Variants in KRT38 observed in about 807,000 individuals in gnomAD.
The protein encoded by KRT38 is keratin 38.
KRT38 carries 45 observed loss-of-function variants against 43.1 expected under a neutral mutation model. The observed-to-expected ratio is 1.04, with a 90% CI of 0.82 to 1.34. The LOEUF is 1.34. Ranked by LOEUF, KRT38 falls within the 40% of genes most tolerant of loss-of-function variation. KRT38 has a pLI of 0.00. For missense variants in KRT38, 627 were observed against 586.2 expected (o/e 1.07, Z -0.72); for synonymous variants, 258 against 244.0 (o/e 1.06, Z -0.53).
chr17:41,439,796 T>C (rs898178835), intron 2 of KRT38, among the ~76,000 whole-genome samples: 1 of 152,196 alleles, frequency 6.6e-6, no homozygotes, highest in African/African-American at 2.4e-5. Flanking sequence ...CCTGGTACCT[T>C]AGGGCTCCCT....
chr17:41,438,268 C>A lies in KRT38; in HGVS notation c.1066G>T (p.Gly356Cys), dbSNP rs778554026. Reference protein sequence around the residue: ...NSLCEAEDRFGTELAQMQSLI... With the variant: ...NSLCEAEDRFCTELAQMQSLI... ...CTCTGCATCTGGGCCAGCTCCGTGCCGAAGCGGTCCTCGGCTTCACACAGG... is the reference window on the plus strand; with the variant it reads ...CTCTGCATCTGGGCCAGCTCCGTGCAGAAGCGGTCCTCGGCTTCACACAGG... The change falls in exon 6 of 7, where the codon GGC (glycine) becomes TGC (cysteine). Residue 356 changes from glycine to cysteine, a missense_variant. Gly to Cys is a radical substitution (Grantham distance 159). Transcript: ENST00000246646. 5.0e-6 allele frequency: 8 copies of A among 1,614,160 alleles called. No individual in the cohort carries two copies. The highest frequency in any genetic ancestry group is 6.8e-6 in the Non-Finnish European group (8 of 1,180,018).
At position 41,438,330 on chromosome 17, in the gene KRT38, G is replaced by A. The variant is rs978863708; in HGVS notation, c.1021-17C>T. 1.2e-6 allele frequency: 2 copies of A among 1,611,264 alleles called. No individual in the cohort carries two copies. The highest frequency in any genetic ancestry group is 1.3e-5 in the African/African-American group (1 of 74,832). Reference sequence around the variant, plus strand: ...ACAGTCCTTCTGTAGTGGGAAATAAGGGGATAAAATATACAAGGCCCCAAG... The same window carrying A: ...ACAGTCCTTCTGTAGTGGGAAATAAAGGGATAAAATATACAAGGCCCCAAG... On this transcript the variant is annotated splice_polypyrimidine_tract_variant and intron_variant, in intron 5 of 6. Coordinates refer to ENST00000246646, the MANE Select transcript of KRT38 (RefSeq NM_006771.4).
rs2018761095 is a variant in KRT38 at position 41,438,743 on chromosome 17, A to G, written c.848T>C (p.Met283Thr). The change falls in exon 4 of 7, where the codon ATG (methionine) becomes ACG (threonine). Residue 283 changes from methionine (M) to threonine (T), a missense_variant. Met to Thr is a moderately conservative substitution (Grantham distance 81). Coordinates refer to ENST00000246646, the MANE Select transcript of KRT38 (RefSeq NM_006771.4). ...CACATCCTGGCGGTTGGTCTCCAAC[A>G]TGGCCTCATACTGAGCCCGCATCTC... is the stretch of plus-strand genomic sequence containing the variant. ...LGEMRAQYEA[M>T]LETNRQDVEQ... The G allele has an allele frequency of 1.2e-6, 2 of 1,613,942 alleles. No individual in the cohort carries two copies. The highest frequency in any genetic ancestry group is 2.2e-5 in the East Asian group (1 of 44,860).
Position 41,438,251 on chromosome 17 carries a change from C to T in KRT38, c.1083G>A (p.Gln361=). The change falls in exon 6 of 7, where the codon CAG becomes CAA. Residue 361 remains glutamine, a synonymous_variant. Coordinates refer to ENST00000246646, the MANE Select transcript of KRT38 (RefSeq NM_006771.4). ...AEDRFGTELA[Q]MQSLISNVEE... is the part of the protein sequence containing the mutation. ...CCACGTTGCTGATGAGGCTCTGCATCTGGGCCAGCTCCGTGCCGAAGCGGT... is the reference window on the plus strand; with the variant it reads ...CCACGTTGCTGATGAGGCTCTGCATTTGGGCCAGCTCCGTGCCGAAGCGGT... 2 of 1,614,178 alleles carry T rather than the reference C, an allele frequency of 1.2e-6. No homozygotes were observed. Among genetic ancestry groups the T allele is most frequent in the Non-Finnish European group, 1.7e-6 (2 of 1,180,030 alleles).
In KRT38 at chr17:41,438,867, G is replaced by T. The variant is rs1284228444; in HGVS notation, c.733-9C>A. The T allele has an allele frequency of 3.7e-6, 6 of 1,613,602 alleles. No individual in the cohort carries two copies. The highest frequency in any genetic ancestry group is 5.1e-6 in the Non-Finnish European group (6 of 1,179,754). On this transcript the variant is annotated splice_polypyrimidine_tract_variant and intron_variant, in intron 3 of 6. Transcript: ENST00000246646. ...CTCAGAATCTTTACTTCCTGCAGAAGGGAGGAAGGGACAGACAGCCTGCAT... is the reference window on the plus strand; with the variant it reads ...CTCAGAATCTTTACTTCCTGCAGAATGGAGGAAGGGACAGACAGCCTGCAT...
intron 1 of KRT38, 74 bp from the exon 2 acceptor site, chr17:41,440,317 G>A: frequency 6.2e-7 from 1 of 1,603,508 alleles, no homozygotes; most frequent in Non-Finnish European, 8.5e-7. Flanking sequence ...TGGTGTCTAT[G>A]ATCATGTCCA....
intron 3 of KRT38, 68 bp from the exon 4 acceptor site, chr17:41,438,926 A>G (rs985248339): frequency 6.4e-7 from 1 of 1,561,674 alleles, no homozygotes; most frequent in Non-Finnish European, 8.7e-7. Flanking sequence ...AGACAGCACC[A>G]GGACCCCGCC....
Position 41,440,923 on chromosome 17 carries a change from G to A in KRT38, c.-2C>T, listed in dbSNP as rs2018794961. On this transcript the variant is annotated 5_prime_UTR_variant, in exon 1 of 7. Transcript: ENST00000246646. ...GGAGCTGCTGTAGGAAGAGGTCATG[G>A]TGTTGGGCTGAGGCTGCACAGGAGC... 3 of 1,526,626 alleles carry A rather than the reference G, an allele frequency of 2.0e-6. No individual in the cohort carries two copies. The highest frequency in any genetic ancestry group is 1.8e-6 in the Non-Finnish European group (2 of 1,139,896). The allele number at this position is 1,526,626 out of a possible 1,614,324, so 94.6% of individuals were successfully genotyped here. A position where few individuals can be genotyped will look rare whatever the true frequency, so the allele number is the denominator to read the frequency against.
Position 41,438,126 on chromosome 17 carries a change from G to C in KRT38, c.1208C>G (p.Thr403Arg), listed in dbSNP as rs767358006. Residue 403 changes from threonine to arginine, a missense_variant, in exon 6 of 7, where the codon ACG becomes AGG. Physicochemically the swap from Thr to Arg is moderately conservative, Grantham distance 71. Coordinates refer to ENST00000246646, the MANE Select transcript of KRT38 (RefSeq NM_006771.4). ...VKTRLENEIA[T>R]YRNLLESEDC... Reference sequence around the variant, plus strand: ...CTCGCTTTCCAGAAGGTTCCGGTACGTGGCAATCTCATTCTCCAGCCGGGT... The same window carrying C: ...CTCGCTTTCCAGAAGGTTCCGGTACCTGGCAATCTCATTCTCCAGCCGGGT... 1 of 1,614,160 alleles carries C rather than the reference G, an allele frequency of 6.2e-7. No individual in the cohort carries two copies. Among genetic ancestry groups the C allele is most frequent in the Non-Finnish European group, 8.5e-7 (1 of 1,180,042 alleles).
chr17:41,438,885 G>A (rs2018763513), intron 3 of KRT38, 27 bp from the exon 4 acceptor site: 1 of 1,611,370 alleles, frequency 6.2e-7, no homozygotes, highest in Admixed American at 1.7e-5. Context: ...GGGACAGACA[G>A]CCTGCATGAG....
chr17:41,439,445 T>C, intron 2 of KRT38, 86 bp from the exon 3 acceptor site: 1 of 1,462,672 alleles, frequency 6.8e-7, no homozygotes, highest in Non-Finnish European at 9.3e-7. Context: ...CCACACCACC[T>C]TGGATCCTCA....
chr17:41,438,814 A>C lies in KRT38; in HGVS notation c.777T>G (p.Ile259Met), dbSNP rs772549874. The part of the protein sequence containing the change: ...LRSQLGEKLR[I>M]ELDIEPTIDL... ...CAATGGTGGGCTCAATGTCCAGCTCAATCCGGAGCTTCTCCCCCAGCTGAC... is the reference window on the plus strand; with the variant it reads ...CAATGGTGGGCTCAATGTCCAGCTCCATCCGGAGCTTCTCCCCCAGCTGAC... Residue 259 changes from isoleucine to methionine, a missense_variant, in exon 4 of 7, where the codon ATT (isoleucine) becomes ATG (methionine). Ile to Met is a conservative substitution (Grantham distance 10). Coordinates refer to ENST00000246646, the MANE Select transcript of KRT38 (RefSeq NM_006771.4). The C allele has an allele frequency of 6.2e-7, 1 of 1,614,042 alleles. No homozygotes were observed. The highest frequency in any genetic ancestry group is 8.5e-7 in the Non-Finnish European group (1 of 1,179,946).
Position 41,438,697 on chromosome 17 carries a change from C to T in KRT38, c.894G>A (p.Gln298=). The T allele has an allele frequency of 6.2e-7, 1 of 1,613,812 alleles. No individual in the cohort carries two copies. The highest frequency in any genetic ancestry group is 8.5e-7 in the Non-Finnish European group (1 of 1,179,914). Residue 298 remains glutamine, a splice_region_variant and synonymous_variant, in exon 4 of 7, where the codon CAG becomes CAA. Coordinates refer to ENST00000246646, the MANE Select transcript of KRT38 (RefSeq NM_006771.4). The part of the protein sequence containing the change: ...RQDVEQWFQA[Q]SEGISLQDMS... ...CTGGTTCTATACCCCCCCCACTCACCTGGGCTTGGAACCACTGTTCCACAT... is the reference window on the plus strand; with the variant it reads ...CTGGTTCTATACCCCCCCCACTCACTTGGGCTTGGAACCACTGTTCCACAT...
intron 5 of KRT38, 55 bp from the exon 6 acceptor site, chr17:41,438,368 A>G (rs2018754655): frequency 3.7e-6 from 6 of 1,603,634 alleles, no homozygotes; most frequent in East Asian, 2.2e-5. Flanking sequence ...AAACTGCTAC[A>G]TGCCTCAAAT....
Position 41,438,300 on chromosome 17 carries a change from T to C in KRT38, c.1034A>G (p.Gln345Arg), listed in dbSNP as rs1285173768. Residue 345 changes from glutamine to arginine, a missense_variant, in exon 6 of 7, where the codon CAG (glutamine) becomes CGG (arginine). Coordinates refer to ENST00000246646, the MANE Select transcript of KRT38 (RefSeq NM_006771.4). ...GTCCTCGGCTTCACACAGGGAGTTC[T>C]GCAGACAGTCCTTCTGTAGTGGGAA... ...QAQHTLKDCL[Q>R]NSLCEAEDRF... The C allele has an allele frequency of 1.2e-6, 2 of 1,613,990 alleles. No homozygotes were observed. The highest frequency in any genetic ancestry group is 1.3e-5 in the African/African-American group (1 of 74,930).
rs1395528873 is a variant in KRT38, at chr17:41,438,580, C to T, written c.931G>A (p.Glu311Lys). 9 of 1,614,124 alleles carry T rather than the reference C, an allele frequency of 5.6e-6. No individual in the cohort carries two copies. The highest frequency in any genetic ancestry group is 1.6e-4 in the Middle Eastern group (1 of 6,062). ...TCCGACTGGCAGCACTGCAGCTCCT[C>T]GGAGCAGGACATGTCCTGCAGGCTG... ...GISLQDMSCS[E>K]ELQCCQSEIL... The change falls in exon 5 of 7, where the codon GAG (glutamate) becomes AAG (lysine). Residue 311 changes from glutamate to lysine, a missense_variant. Physicochemically the swap from Glu to Lys is moderately conservative, Grantham distance 56. Coordinates refer to ENST00000246646, the MANE Select transcript of KRT38 (RefSeq NM_006771.4).
chr17:41,440,355 G>A, intron 1 of KRT38, 75 bp downstream of exon 1: 1 of 1,597,256 alleles, frequency 6.3e-7, no homozygotes, highest in East Asian at 2.2e-5. Context: ...AAAGTTCTCT[G>A]AGCTTTACAT....
intron 6 of KRT38, among the ~76,000 whole-genome samples, 193 bp from the exon 7 acceptor site, chr17:41,437,734 A>G (rs141275633): frequency 1.3e-5 from 2 of 152,336 alleles, no homozygotes; most frequent in Non-Finnish European, 2.9e-5. Context: ...GCCTTCCATG[A>G]TTAAAGTTAT....
Position 41,438,442 on chromosome 17 carries a change from G to C in KRT38, c.1020+49C>G, listed in dbSNP as rs775355184. On this transcript the variant is annotated intron_variant, in intron 5 of 6. Coordinates refer to ENST00000246646, the MANE Select transcript of KRT38 (RefSeq NM_006771.4). ...AGACCTCCAAAATAAAATGCTACTA[G>C]GCCATGGCACGGGGCATTTGCAGTG... The C allele has an allele frequency of 1.9e-6, 3 of 1,613,540 alleles. No individual in the cohort carries two copies. The East Asian group carries it at 6.7e-5, about 36-fold the overall frequency.
Sources: gnomAD v4.1 joint callset for allele counts (sites outside exome capture counted in the v4.1 genomes callset) on GRCh38, gnomAD v4.1.1 for gene constraint, MANE v1.5 for transcripts, NCBI Gene and HGNC (gene_info 2026-07-23, HGNC 2026-07-21) for gene names.